The following FNIP2 variants were observed in gnomAD, a reference collection of about 807,000 sequenced individuals.
FNIP2 encodes folliculin interacting protein 2.
A neutral mutation model predicts 108.7 loss-of-function variants in FNIP2; 32 were observed. The ratio of observed to expected loss-of-function variants is 0.29; its 90% confidence interval spans 0.22 to 0.40. The LOEUF (loss-of-function observed/expected upper bound fraction) is 0.40. FNIP2 is among the 10% of genes least tolerant of loss of function. The probability of loss-of-function intolerance (pLI) is 1.00; values close to 1 mark genes in which losing one functional copy is unlikely to be tolerated. For synonymous variants in FNIP2, 480 were observed against 496.7 expected, an observed-to-expected ratio of 0.97 and a Z score of 0.45; for missense variants, 1,202 against 1,381.6, an observed-to-expected ratio of 0.87 and a Z score of 2.06.
At chr4:158,857,695 C>A (rs551017479) in intron 8 of FNIP2, among the ~76,000 whole-genome samples, 11 of 151,448 alleles carry the variant, frequency 7.3e-5, no homozygotes, top group African/African-American at 2.4e-4. Flanking sequence ...GTAATCCCAG[C>A]ACTTTGGGAC....
intron 1 of FNIP2, among the ~76,000 whole-genome samples, chr4:158,791,301 T>C (rs1326907329): frequency 7.1e-6 from 1 of 140,276 alleles, no homozygotes; most frequent in East Asian, 2.1e-4. Context: ...TTTTTCTTTT[T>C]GAGACAGAGT....
chr4:158,845,849 G>A (rs1385415549), intron 7 of FNIP2, among the ~76,000 whole-genome samples: 1 of 152,168 alleles, frequency 6.6e-6, no homozygotes, highest in African/African-American at 2.4e-5. Flanking sequence ...TACTTTTGAT[G>A]AGGAAACGCT....
In FNIP2 at chr4:158,868,371, G is replaced by C. The variant is rs1044427279; in HGVS notation, c.1735G>C (p.Val579Leu). The C allele has an allele frequency of 1.5e-5, 24 of 1,613,852 alleles. No homozygotes were observed. Among genetic ancestry groups the C allele is most frequent in the Non-Finnish European group, 1.9e-5 (23 of 1,179,896 alleles). Residue 579 changes from valine (V) to leucine (L), a missense_variant, in exon 13 of 17, where the codon GTA (valine) becomes CTA (leucine). Val to Leu is a conservative substitution (Grantham distance 32). This residue lies in a region of FNIP2 where 878 missense variants were observed against 990.3 expected (regional missense o/e 0.89). Coordinates refer to ENST00000264433, the MANE Select transcript of FNIP2 (RefSeq NM_020840.3). The surrounding 1 kb of genome is among the most constrained non-coding windows in gnomAD (Gnocchi z 4.6). ...VITVRNEPAL[V>L]PPILPPTAAE... ...TACGGTGAGGAACGAGCCCGCTCTT[G>C]TACCCCCCATCCTACCACCAACAGC...
intron 1 of FNIP2, chr4:158,806,010 C>A: frequency 5.5e-6 from 3 of 547,458 alleles, no homozygotes; most frequent in Non-Finnish European, 7.3e-6. Context: ...TATTGGCAGG[C>A]TTAATTTACG....
intron 15 of FNIP2, 142 bp downstream of exon 15, chr4:158,891,788 A>G: frequency 1.3e-6 from 1 of 784,888 alleles, no homozygotes; most frequent in African/African-American, 1.7e-5. Context: ...CATGCAGCAT[A>G]AAACTCGCAA....
chr4:158,789,991 G>A (rs1009915920), intron 1 of FNIP2, among the ~76,000 whole-genome samples: 8 of 152,034 alleles, frequency 5.3e-5, no homozygotes, highest in Non-Finnish European at 7.4e-5. Context: ...GACATGACAC[G>A]TCAAGCGGGA....
In FNIP2 at chr4:158,769,149, C is replaced by T. The variant is rs1227051880; in HGVS notation, c.-64C>T. The stretch of plus-strand genomic sequence containing the variant: ...ATGGCCCCGCCACCGCGGCCGCCGC[C>T]CCCGGCTGCGCGCTGAGCCGCCGGC... On this transcript the variant is annotated 5_prime_UTR_variant, in exon 1 of 17. Coordinates refer to ENST00000264433, the MANE Select transcript of FNIP2 (RefSeq NM_020840.3). The T allele has an allele frequency of 6.0e-5, 48 of 806,082 alleles. No homozygotes were observed. Among genetic ancestry groups the T allele is most frequent in the Non-Finnish European group, 7.1e-5 (47 of 665,984 alleles). 49.9% of individuals were successfully genotyped at this position (806,082 alleles called of 1,614,324 possible).
chr4:158,793,781 T>A (rs1160045861), intron 1 of FNIP2, among the ~76,000 whole-genome samples: 2 of 152,218 alleles, frequency 1.3e-5, no homozygotes, highest in African/African-American at 4.8e-5. Flanking sequence ...GACACTCAGA[T>A]TCCAGCTTTC....
intron 12 of FNIP2, 93 bp downstream of exon 12, chr4:158,861,869 T>C (rs545964624): frequency 1.4e-6 from 2 of 1,415,964 alleles, no homozygotes; most frequent in African/African-American, 2.8e-5. Flanking sequence ...TCTCACCCAG[T>C]AATTCATAGG....
chr4:158,863,304 G>A (rs138826254), intron 12 of FNIP2, among the ~76,000 whole-genome samples: 155 of 152,340 alleles, frequency 1.0e-3, no homozygotes, highest in African/African-American at 3.5e-3. Context: ...TTTTCATTCA[G>A]TATTTAGCAA....
At chr4:158,806,443 T>C (rs896424061) in intron 1 of FNIP2, 2 of 1,276,192 alleles carry the variant, frequency 1.6e-6, no homozygotes, top group African/African-American at 3.1e-5. Context: ...TTTAGTTGTT[T>C]CAAAGTCTCA....
At chr4:158,850,501 GAC>G (rs1779637433) in intron 7 of FNIP2, among the ~76,000 whole-genome samples, 1 of 151,438 alleles carries the variant, frequency 6.6e-6, no homozygotes, top group South Asian at 2.1e-4. Context: ...TACTTCCTGA[GAC>G]ACAGGTGTAG....
rs1206779218 is a variant in FNIP2 at position 158,872,753 on chromosome 4, A to ATTT, written c.2949+2284_2949+2285insTTT. ...GGTAGTGTTTTTTTTTTTTTTTTTAAAAAACAGGCTTACTTTCAACATCCA... is the reference window on the plus strand; with the variant it reads ...GGTAGTGTTTTTTTTTTTTTTTTTAATTTAAAACAGGCTTACTTTCAACATCCA... On this transcript the variant is annotated intron_variant, in intron 14 of 16. Coordinates refer to ENST00000264433, the MANE Select transcript of FNIP2 (RefSeq NM_020840.3). 7.1e-4 allele frequency: 602 copies of ATTT among 848,464 alleles called. 5 individuals are homozygous for ATTT. The African/African-American group carries it at 0.011, about 15-fold the overall frequency. The allele number at this position is 848,464 out of a possible 1,614,324, so 52.6% of individuals were successfully genotyped here. A position where few individuals can be genotyped will look rare whatever the true frequency, so the allele number is the denominator to read the frequency against.
intron 16 of FNIP2, among the ~76,000 whole-genome samples, chr4:158,897,089 G>A (rs984729732): frequency 6.6e-6 from 1 of 151,910 alleles, no homozygotes; most frequent in Middle Eastern, 3.2e-3. Context: ...GAGCACATGC[G>A]GTGTTTGGTT....
At chr4:158,893,569 A>G (rs2126775744) in intron 15 of FNIP2, 1 of 714,612 alleles carries the variant, frequency 1.4e-6, no homozygotes, top group East Asian at 2.7e-5. Flanking sequence ...TTTAAGCTGA[A>G]GCGTACTCTT....
chr4:158,807,124 A>G (rs1777012616), intron 1 of FNIP2, among the ~76,000 whole-genome samples: 1 of 152,204 alleles, frequency 6.6e-6, no homozygotes, highest in African/African-American at 2.4e-5. Context: ...TGTTTTGAGA[A>G]TTACATTTCA....
chr4:158,783,885 C>G (rs569653619), intron 1 of FNIP2, among the ~76,000 whole-genome samples: 9 of 152,266 alleles, frequency 5.9e-5, no homozygotes, highest in African/African-American at 2.2e-4. Context: ...ATTGCTTTCT[C>G]TTTCTTGGGG....
At chr4:158,888,760 A>T (rs186950819) in intron 14 of FNIP2, among the ~76,000 whole-genome samples, 19 of 151,964 alleles carry the variant, frequency 1.3e-4, no homozygotes, top group Admixed American at 1.2e-3. Flanking sequence ...GTGATGGTGC[A>T]CACCTGTATT....
intron 7 of FNIP2, among the ~76,000 whole-genome samples, chr4:158,837,522 T>C (rs534495242): frequency 6.6e-6 from 1 of 152,364 alleles, no homozygotes; most frequent in Non-Finnish European, 1.5e-5. Flanking sequence ...AAATGGTTCA[T>C]GTTGTACAGG....
Sources: gnomAD v4.1 joint callset for allele counts (sites outside exome capture counted in the v4.1 genomes callset) on GRCh38, gnomAD v4.1.1 for gene constraint, gnomAD v4.1.1 regional missense constraint, Gnocchi (gnomAD v3.1) non-coding constraint, MANE v1.5 for transcripts, NCBI Gene and HGNC (gene_info 2026-07-23, HGNC 2026-07-21) for gene names.